Variants in HPSE2 observed in about 807,000 individuals in gnomAD.
HPSE2 encodes the protein inactive heparanase-2.
HPSE2 carries 38 observed loss-of-function variants against 60.5 expected under a neutral mutation model. The ratio of observed to expected loss-of-function variants is 0.63; its 90% CI spans 0.48 to 0.82. The LOEUF is 0.82. HPSE2 is among the 40% of genes least tolerant of loss of function. The probability of loss-of-function intolerance (pLI) is 0.00; values close to 1 mark genes in which losing one functional copy is unlikely to be tolerated. For synonymous variants in HPSE2, 295 were observed against 293.2 expected (o/e 1.01, Z -0.06); for missense variants, 713 against 740.4 (o/e 0.96, Z 0.43).
intron 3 of HPSE2, among the ~76,000 whole-genome samples, chr10:98,879,143 C>A (rs116450653): frequency 1.3e-5 from 2 of 151,972 alleles, no homozygotes; most frequent in Admixed American, 1.3e-4. Flanking sequence ...TGAATACACA[C>A]GTCTAGAGCT....
At position 99,235,681 on chromosome 10, in the gene HPSE2, G is replaced by T; in HGVS notation, c.122C>A (p.Ala41Asp). 1 of 1,614,036 alleles carries T rather than the reference G, an allele frequency of 6.2e-7. No homozygotes were observed. The highest frequency in any genetic ancestry group is 8.5e-7 in the Non-Finnish European group (1 of 1,180,026). Residue 41 changes from alanine to aspartate, a missense_variant, in exon 1 of 12, where the codon GCT (alanine) becomes GAT (aspartate). Transcript: ENST00000370552. ...LLLHLSLSSQ[A>D]GDRRPLPVDR... ...TACAGGCAAGGGTCTCCTGTCTCCA[G>T]CCTGGGAGGAAAGGGAGAGATGGAG... is the stretch of plus-strand genomic sequence containing the variant.
chr10:98,945,216 A>G (rs533935294), intron 3 of HPSE2, among the ~76,000 whole-genome samples: 1 of 152,164 alleles, frequency 6.6e-6, no homozygotes, highest in Non-Finnish European at 1.5e-5. Context: ...TAGTGAACCT[A>G]AGTCGGCTCT....
At chr10:98,651,925 C>A (rs188698488) in intron 6 of HPSE2, among the ~76,000 whole-genome samples, 18 of 152,198 alleles carry the variant, frequency 1.2e-4, no homozygotes, top group African/African-American at 4.1e-4. Flanking sequence ...GCACCTGCAA[C>A]CATGCCTGGC....
chr10:98,832,921 A>G (rs1212780225), intron 3 of HPSE2, among the ~76,000 whole-genome samples: 1 of 152,194 alleles, frequency 6.6e-6, no homozygotes, highest in Non-Finnish European at 1.5e-5. Context: ...CTCTTTTGCC[A>G]GGAGTTTTGC....
intron 11 of HPSE2, among the ~76,000 whole-genome samples, chr10:98,465,465 C>G (rs1940487596): frequency 2.6e-5 from 4 of 152,170 alleles, no homozygotes; most frequent in African/African-American, 9.7e-5. Flanking sequence ...CCTCCCTTGT[C>G]ACATGTGATT....
the HPSE2 span, among the ~76,000 whole-genome samples, chr10:99,284,273 G>GA: frequency 1.3e-5 from 2 of 151,958 alleles, no homozygotes; most frequent in Non-Finnish European, 2.9e-5. Flanking sequence ...CAGAATGAAA[G>GA]AAAAAAACAT....
chr10:99,146,711 A>T (rs952998497), intron 2 of HPSE2, among the ~76,000 whole-genome samples: 2 of 152,138 alleles, frequency 1.3e-5, no homozygotes, highest in African/African-American at 4.8e-5. Flanking sequence ...AAATACAAAA[A>T]TTAGCTGGGC....
chr10:98,657,333 CTTT>C (rs71488865), intron 6 of HPSE2, among the ~76,000 whole-genome samples: 2 of 150,644 alleles, frequency 1.3e-5, no homozygotes, highest in African/African-American at 4.9e-5. Context: ...CTCCAAAATC[CTTT>C]TTTTTTGTTT....
At chr10:98,664,226 G>A (rs1348984589) in intron 6 of HPSE2, among the ~76,000 whole-genome samples, 3 of 152,132 alleles carry the variant, frequency 2.0e-5, no homozygotes, top group Non-Finnish European at 4.4e-5. Context: ...CTGCCAGTGG[G>A]CACAACTGTG....
intron 3 of HPSE2, among the ~76,000 whole-genome samples, chr10:98,959,800 C>T (rs913474502): frequency 6.6e-6 from 1 of 152,066 alleles, no homozygotes; most frequent in African/African-American, 2.4e-5. Flanking sequence ...GGAAAGCTGA[C>T]ACTAAGCTCA....
chr10:99,288,920 T>C, the HPSE2 span, among the ~76,000 whole-genome samples: 2 of 152,174 alleles, frequency 1.3e-5, no homozygotes, highest in African/African-American at 4.8e-5. Flanking sequence ...AATTTAATTA[T>C]GGTATACTTA....
At chr10:99,056,084 A>G (rs1342068726) in intron 3 of HPSE2, among the ~76,000 whole-genome samples, 1 of 151,626 alleles carries the variant, frequency 6.6e-6, no homozygotes, top group East Asian at 1.9e-4. Flanking sequence ...AAAAGACTTT[A>G]AGAACACAAA....
intron 4 of HPSE2, among the ~76,000 whole-genome samples, chr10:98,724,817 A>C (rs1565112855): frequency 6.6e-6 from 1 of 152,144 alleles, no homozygotes; most frequent in Non-Finnish European, 1.5e-5. Context: ...AATGTGCAAA[A>C]ATCACAAGCA....
At chr10:99,164,823 C>G (rs1250589244) in intron 2 of HPSE2, among the ~76,000 whole-genome samples, 1 of 152,038 alleles carries the variant, frequency 6.6e-6, no homozygotes, top group East Asian at 1.9e-4. Context: ...AGGTGGCTCA[C>G]GCCTGTAATC....
At chr10:98,647,437 G>A (rs1018744933) in intron 6 of HPSE2, among the ~76,000 whole-genome samples, 2 of 152,194 alleles carry the variant, frequency 1.3e-5, no homozygotes, top group South Asian at 4.1e-4. Context: ...CCAGTGCTCA[G>A]GAATTTCCGG....
Position 98,870,053 on chromosome 10 carries a change from T to A in HPSE2, c.611-125997A>T, listed in dbSNP as rs140352743. On this transcript the variant is annotated intron_variant, in intron 3 of 11. Transcript: ENST00000370552. The stretch of plus-strand genomic sequence containing the variant: ...TTAGAAAAATATAGTGCTTGCAAAC[T>A]GTCATTTTATTAGGGGAGGCAGGTC... Among the ~76,000 whole-genome samples, 252 of 152,298 alleles carry A rather than the reference T, an allele frequency of 1.7e-3. 2 individuals are homozygous for A. The highest frequency in any genetic ancestry group is 5.6e-3 in the African/African-American group (234 of 41,572).
Position 99,178,414 on chromosome 10 carries a change from A to T in HPSE2, c.449-34015T>A, listed in dbSNP as rs537717033. On this transcript the variant is annotated intron_variant, in intron 2 of 11. Transcript: ENST00000370552. ...GAAAAGAGAGAAGAATCAAATAGAC[A>T]CAACAAAAAGTGATAAAGGGGAGAT... is the stretch of plus-strand genomic sequence containing the variant. 6.4e-4 allele frequency among the ~76,000 whole-genome samples: 98 copies of T among 152,164 alleles called. 1 individual carries two copies. The highest frequency in any genetic ancestry group is 7.4e-5 in the Non-Finnish European group (5 of 67,994).
chr10:98,742,963 C>CTTTT (rs1565128585), intron 4 of HPSE2, among the ~76,000 whole-genome samples: 29 of 145,278 alleles, frequency 2.0e-4, no homozygotes, highest in South Asian at 1.3e-3. Flanking sequence ...TCTTTTTTTT[C>CTTTT]CTTTTCTTTT....
chr10:99,184,006 G>A (rs777103059), intron 2 of HPSE2, among the ~76,000 whole-genome samples: 12 of 151,772 alleles, frequency 7.9e-5, no homozygotes, highest in Middle Eastern at 3.2e-3. Context: ...CAAAAAAACT[G>A]ACTCCAAGGA....
Sources: allele counts gnomAD v4.1 joint callset (sites outside exome capture counted in the v4.1 genomes callset), GRCh38; gene constraint gnomAD v4.1.1; transcripts MANE v1.5; gene names NCBI Gene and HGNC (gene_info 2026-07-23, HGNC 2026-07-21).